Variants in FSTL5 observed in about 807,000 individuals in gnomAD.
FSTL5 encodes the protein follistatin like 5.
A neutral mutation model predicts 89.1 loss-of-function variants in FSTL5; 62 were observed. The ratio of observed to expected loss-of-function variants is 0.70; its 90% confidence interval spans 0.57 to 0.86. The LOEUF is 0.86. Ranked by LOEUF, FSTL5 falls within the 40% of genes least tolerant of loss-of-function variation. FSTL5 has a pLI of 0.00. For missense variants in FSTL5, 1,057 were observed against 1,001.6 expected (o/e 1.06, Z -0.75); for synonymous variants, 383 against 346.2 (o/e 1.11, Z -1.18).
intron 8 of FSTL5, among the ~76,000 whole-genome samples, chr4:161,571,562 G>A (rs552241427): frequency 2.4e-4 from 37 of 152,192 alleles, no homozygotes; most frequent in Non-Finnish European, 4.0e-4. Context: ...ATTAGAAGGA[G>A]GGGGAAAATG....
chr4:162,152,047 C>T (rs1031150252), intron 1 of FSTL5, among the ~76,000 whole-genome samples: 3 of 152,004 alleles, frequency 2.0e-5, no homozygotes, highest in Non-Finnish European at 2.9e-5. Context: ...GCACACAGTC[C>T]GACTACAGAC....
intron 12 of FSTL5, among the ~76,000 whole-genome samples, chr4:161,483,523 C>A (rs912288335): frequency 6.6e-6 from 1 of 152,192 alleles, no homozygotes; most frequent in Admixed American, 6.5e-5. Flanking sequence ...CCCTATAAGA[C>A]ATCCTTGACC....
chr4:161,840,411 T>C (rs903218961), intron 4 of FSTL5, among the ~76,000 whole-genome samples: 10 of 152,222 alleles, frequency 6.6e-5, no homozygotes, highest in Admixed American at 5.2e-4. Flanking sequence ...ACAACCGTTA[T>C]ACTCTGTTTA....
In FSTL5 at chr4:161,633,265, T is replaced by C. The variant is rs145499577; in HGVS notation, c.894+23063A>G. On this transcript the variant is annotated intron_variant, in intron 7 of 15. Transcript: ENST00000306100. ...CCCCCCACTTTTGTTTTTGTTTTTGTTTTCTGTGTCTTTAAACTAATTCTT... is the reference window on the plus strand; with the variant it reads ...CCCCCCACTTTTGTTTTTGTTTTTGCTTTCTGTGTCTTTAAACTAATTCTT... 6.2e-3 allele frequency among the ~76,000 whole-genome samples: 919 copies of C among 148,702 alleles called. 8 individuals are homozygous for C. Among genetic ancestry groups the C allele is most frequent in the African/African-American group, 0.017 (704 of 40,758 alleles).
chr4:161,954,378 A>G (rs1212521982), intron 3 of FSTL5, among the ~76,000 whole-genome samples: 1 of 151,638 alleles, frequency 6.6e-6, no homozygotes, highest in Admixed American at 6.6e-5. Context: ...ACAAAAAATT[A>G]TGGACAAAAA....
intron 1 of FSTL5, among the ~76,000 whole-genome samples, chr4:162,117,485 T>A (rs1483575731): frequency 6.6e-6 from 1 of 152,154 alleles, no homozygotes; most frequent in Non-Finnish European, 1.5e-5. Flanking sequence ...TTGGGGTTCT[T>A]AACATTTATA....
At chr4:162,082,531 C>T (rs1579012500) in intron 2 of FSTL5, among the ~76,000 whole-genome samples, 2 of 144,694 alleles carry the variant, frequency 1.4e-5, no homozygotes. Context: ...TAAACAAATT[C>T]TTTTTTTTTT....
chr4:161,485,281 C>T (rs1243103371), intron 12 of FSTL5, among the ~76,000 whole-genome samples: 1 of 152,198 alleles, frequency 6.6e-6, no homozygotes, highest in African/African-American at 2.4e-5. Context: ...CCTTTATCTT[C>T]AGTTCCCTGG....
At chr4:162,151,695 A>G (rs1383985278) in intron 1 of FSTL5, among the ~76,000 whole-genome samples, 1 of 152,194 alleles carries the variant, frequency 6.6e-6, no homozygotes, top group Admixed American at 6.5e-5. Flanking sequence ...ATAGTGTCCT[A>G]ACCATTTATA....
intron 4 of FSTL5, among the ~76,000 whole-genome samples, chr4:161,813,355 C>T (rs900154889): frequency 6.6e-6 from 1 of 151,816 alleles, no homozygotes; most frequent in Non-Finnish European, 1.5e-5. Context: ...TCACACAGGC[C>T]AACTCTATTG....
chr4:161,814,250 G>T (rs192669745), intron 4 of FSTL5, among the ~76,000 whole-genome samples: 3 of 152,244 alleles, frequency 2.0e-5, no homozygotes, highest in Non-Finnish European at 4.4e-5. Flanking sequence ...CTCTATGAAA[G>T]TCTCATTAAA....
intron 4 of FSTL5, among the ~76,000 whole-genome samples, chr4:161,786,912 A>G (rs2314255): frequency 1.1e-3 from 164 of 152,198 alleles, no homozygotes; most frequent in African/African-American, 3.3e-3. Flanking sequence ...CACATTGCAT[A>G]TTTGACTTTT....
At chr4:162,045,730 CA>C (rs1439656948) in intron 2 of FSTL5, among the ~76,000 whole-genome samples, 1 of 152,102 alleles carries the variant, frequency 6.6e-6, no homozygotes, top group Non-Finnish European at 1.5e-5. Context: ...AAAGTGCAAT[CA>C]GATAAGGTAC....
At chr4:161,710,942 T>C (rs903927360) in intron 6 of FSTL5, among the ~76,000 whole-genome samples, 4 of 152,092 alleles carry the variant, frequency 2.6e-5, no homozygotes, top group African/African-American at 4.8e-5. Flanking sequence ...AAATAGATAA[T>C]GCATTCAAGA....
chr4:161,953,065 C>A (rs150931837), intron 3 of FSTL5, among the ~76,000 whole-genome samples: 5 of 151,636 alleles, frequency 3.3e-5, no homozygotes, highest in African/African-American at 9.6e-5. Context: ...TCCTGAAGGC[C>A]CTGAAGATAG....
At chr4:161,827,112 G>C (rs1391506020) in intron 4 of FSTL5, among the ~76,000 whole-genome samples, 2 of 150,798 alleles carry the variant, frequency 1.3e-5, no homozygotes, top group South Asian at 2.1e-4. Flanking sequence ...GGGACTCAAG[G>C]GCTGCTCTTA....
chr4:162,066,355 C>CTTCTT (rs1553996329), intron 2 of FSTL5, among the ~76,000 whole-genome samples: 84 of 61,172 alleles, frequency 1.4e-3, no homozygotes, highest in African/African-American at 2.1e-3. Context: ...TTCTTCTTCT[C>CTTCTT]CTTCTTCTTC....
chr4:161,574,506 C>T (rs745662825), intron 8 of FSTL5, among the ~76,000 whole-genome samples: 1 of 152,066 alleles, frequency 6.6e-6, no homozygotes, highest in Non-Finnish European at 1.5e-5. Flanking sequence ...AATGCTCTCC[C>T]TCTCCTTGCC....
intron 4 of FSTL5, among the ~76,000 whole-genome samples, chr4:161,867,195 A>G (rs1732118692): frequency 6.6e-6 from 1 of 152,016 alleles, no homozygotes; most frequent in African/African-American, 2.4e-5. Context: ...TATATATTGC[A>G]GGTTACATAA....
Sources: allele counts gnomAD v4.1 joint callset (sites outside exome capture counted in the v4.1 genomes callset), GRCh38; gene constraint gnomAD v4.1.1; transcripts MANE v1.5; gene names NCBI Gene and HGNC (gene_info 2026-07-23, HGNC 2026-07-21).